ATL2: variants seen among roughly 807,000 people sequenced by gnomAD.
ATL2 encodes the protein atlastin GTPase 2, also known as atlastin-2.
A neutral mutation model predicts 73.9 loss-of-function variants in ATL2; 31 were observed. The observed-to-expected ratio is 0.42, with a 90% confidence interval of 0.32 to 0.57. The LOEUF (loss-of-function observed/expected upper bound fraction) is 0.57. ATL2 is among the 20% of genes least tolerant of loss of function. The pLI is 0.14. For missense variants in ATL2, 738 were observed against 702.6 expected, an observed-to-expected ratio of 1.05 and a Z score of -0.57; for synonymous variants, 291 against 237.5, an observed-to-expected ratio of 1.23 and a Z score of -2.07.
intron 1 of ATL2, among the ~76,000 whole-genome samples, chr2:38,366,698 T>G (rs969178451): frequency 2.0e-5 from 3 of 152,212 alleles, no homozygotes; most frequent in Non-Finnish European, 4.4e-5. Flanking sequence ...CAAATATGCA[T>G]AAAGTCTCTA....
At chr2:38,363,247 T>C (rs976220424) in intron 1 of ATL2, among the ~76,000 whole-genome samples, 3 of 152,144 alleles carry the variant, frequency 2.0e-5, no homozygotes, top group Non-Finnish European at 2.9e-5. Flanking sequence ...AGCCAAACTG[T>C]TAGCATCTTT....
At chr2:38,348,178 G>C (rs1271122559) in intron 1 of ATL2, among the ~76,000 whole-genome samples, 1 of 152,032 alleles carries the variant, frequency 6.6e-6, no homozygotes, top group Non-Finnish European at 1.5e-5. Context: ...TAAAAATTAT[G>C]AAGCTTGGCT....
chr2:38,355,781 C>T lies in ATL2; in HGVS notation c.119-12269G>A, dbSNP rs1481593226. 2.7e-5 allele frequency among the ~76,000 whole-genome samples: 4 copies of T among 150,816 alleles called. No individual in the cohort carries two copies. The South Asian group carries it at 8.4e-4, about 32-fold the overall frequency. The stretch of plus-strand genomic sequence containing the variant: ...GTGGTGCCATCTCGGCTCACTGCAA[C>T]CCCCGTCTTGCAGGTACAAGCAATT... On this transcript the variant is annotated intron_variant, in intron 1 of 12. Coordinates refer to ENST00000378954, the MANE Select transcript of ATL2 (RefSeq NM_001135673.4).
intron 1 of ATL2, among the ~76,000 whole-genome samples, chr2:38,361,192 A>G (rs550288032): frequency 1.3e-5 from 2 of 151,972 alleles, no homozygotes; most frequent in Admixed American, 6.6e-5. Flanking sequence ...TCTCTACTAA[A>G]AAATACAAAA....
chr2:38,333,464 T>G (rs147056713), intron 2 of ATL2, among the ~76,000 whole-genome samples: 125 of 152,322 alleles, frequency 8.2e-4, no homozygotes, highest in Non-Finnish European at 1.4e-3. Context: ...ACTCCCTAAA[T>G]GTTCTAAAAC....
chr2:38,369,038 G>A (rs963734094), intron 1 of ATL2, among the ~76,000 whole-genome samples: 4 of 152,114 alleles, frequency 2.6e-5, no homozygotes, highest in African/African-American at 9.7e-5. Context: ...CCTATATGTT[G>A]GCATTTATTT....
At position 38,367,901 on chromosome 2, in the gene ATL2, G is replaced by C. The variant is rs1416253577; in HGVS notation, c.118+9242C>G. Among the ~76,000 whole-genome samples the C allele has an allele frequency of 2.0e-5, 3 of 150,904 alleles. 1 individual carries two copies. Among genetic ancestry groups the C allele is most frequent in the Admixed American group, 2.0e-4 (3 of 15,096 alleles). On this transcript the variant is annotated intron_variant, in intron 1 of 12. Coordinates refer to ENST00000378954, the MANE Select transcript of ATL2 (RefSeq NM_001135673.4). ...TCCCACCTTGGCCTCCTAAAGTGCT[G>C]GGATTACAAACGTAAACCACCACGC...
At chr2:38,319,563 T>C (rs940083977) in intron 2 of ATL2, among the ~76,000 whole-genome samples, 2 of 149,562 alleles carry the variant, frequency 1.3e-5, no homozygotes, top group Non-Finnish European at 3.0e-5. Context: ...TGTGCCACTA[T>C]ACTCCAGCCT....
chr2:38,363,696 G>C (rs1205149313), intron 1 of ATL2, among the ~76,000 whole-genome samples: 2 of 152,158 alleles, frequency 1.3e-5, no homozygotes, highest in Non-Finnish European at 2.9e-5. Flanking sequence ...AATCTGTCAT[G>C]AATTACGAGG....
chr2:38,334,959 TAATTA>T (rs1340350349), intron 2 of ATL2, among the ~76,000 whole-genome samples: 1 of 29,640 alleles, frequency 3.4e-5, no homozygotes, highest in African/African-American at 8.2e-5. Flanking sequence ...ATAATAAATA[TAATTA>T]AATAAGCTAA....
At chr2:38,312,379 T>C (rs1667800930) in intron 7 of ATL2, among the ~76,000 whole-genome samples, 1 of 147,558 alleles carries the variant, frequency 6.8e-6, no homozygotes, top group Non-Finnish European at 1.5e-5. Flanking sequence ...TATGTGGCAC[T>C]TCCCCCTTCA....
chr2:38,369,539 G>A (rs1671543778), intron 1 of ATL2, among the ~76,000 whole-genome samples: 1 of 151,474 alleles, frequency 6.6e-6, no homozygotes, highest in Admixed American at 6.6e-5. Context: ...ACCCGCCTTA[G>A]CCTCCCAAAG....
intron 1 of ATL2, among the ~76,000 whole-genome samples, chr2:38,346,533 G>C (rs1254599389): frequency 1.3e-5 from 2 of 152,186 alleles, no homozygotes; most frequent in Non-Finnish European, 1.5e-5. Context: ...TTTCATGAAA[G>C]ACAAGTTTTC....
intron 1 of ATL2, among the ~76,000 whole-genome samples, chr2:38,363,575 TA>T (rs1211668133): frequency 6.6e-6 from 1 of 152,216 alleles, no homozygotes; most frequent in African/African-American, 2.4e-5. Context: ...GCAATAAAAG[TA>T]TATTTGCCCA....
chr2:38,321,972 T>C (rs1467432486), intron 2 of ATL2, among the ~76,000 whole-genome samples: 2 of 152,174 alleles, frequency 1.3e-5, no homozygotes, highest in Non-Finnish European at 2.9e-5. Context: ...GTGCTCCTGA[T>C]ACTCCCCATA....
At chr2:38,346,676 A>C (rs1308697748) in intron 1 of ATL2, among the ~76,000 whole-genome samples, 1 of 152,214 alleles carries the variant, frequency 6.6e-6, no homozygotes, top group African/African-American at 2.4e-5. Context: ...TCGCGCTCCT[A>C]TGAGAATCTG....
At chr2:38,322,583 T>C (rs1444437473) in intron 2 of ATL2, among the ~76,000 whole-genome samples, 1 of 152,202 alleles carries the variant, frequency 6.6e-6, no homozygotes, top group Non-Finnish European at 1.5e-5. Flanking sequence ...CATAGGCTTA[T>C]ATGTTTGCCA....
chr2:38,340,023 A>G (rs1427204652), intron 2 of ATL2, among the ~76,000 whole-genome samples: 1 of 152,162 alleles, frequency 6.6e-6, no homozygotes, highest in African/African-American at 2.4e-5. Flanking sequence ...CAACAAAAAT[A>G]ACGCAAAAAC....
At chr2:38,333,276 G>A (rs372321559) in intron 2 of ATL2, among the ~76,000 whole-genome samples, 13 of 152,078 alleles carry the variant, frequency 8.5e-5, no homozygotes, top group East Asian at 1.9e-4. Flanking sequence ...GCAACAGAGC[G>A]AGACGATATC....
Sources: allele counts gnomAD v4.1 joint callset (sites outside exome capture counted in the v4.1 genomes callset), GRCh38; gene constraint gnomAD v4.1.1; transcripts MANE v1.5; gene names NCBI Gene and HGNC (gene_info 2026-07-23, HGNC 2026-07-21).